Variants in DLG2 observed in about 807,000 individuals in gnomAD.
The protein encoded by DLG2 is disks large homolog 2.
DLG2 carries 45 observed loss-of-function variants against 132.5 expected under a neutral mutation model. The observed-to-expected ratio is 0.34, with a 90% CI of 0.27 to 0.44. The LOEUF is 0.44. Among genes scored for constraint, DLG2 ranks in the 20% least tolerant of loss-of-function variants. DLG2 has a pLI of 1.00. For missense variants in DLG2, 1,045 were observed against 1,196.9 expected (o/e 0.87, Z 1.87); for synonymous variants, 424 against 419.6 (o/e 1.01, Z -0.13).
At chr11:83,558,116 T>C (rs1341491803) in intron 19 of DLG2, among the ~76,000 whole-genome samples, 1 of 152,200 alleles carries the variant, frequency 6.6e-6, no homozygotes, top group Non-Finnish European at 1.5e-5. Context: ...ATATAGTTCA[T>C]AATTTCTCCA....
At chr11:84,670,888 A>T (rs919820615) in intron 6 of DLG2, among the ~76,000 whole-genome samples, 1 of 152,142 alleles carries the variant, frequency 6.6e-6, no homozygotes, top group Non-Finnish European at 1.5e-5. Context: ...AAGTATTCTT[A>T]TTAACATCAG....
chr11:85,149,689 G>T (rs980900834), intron 5 of DLG2, among the ~76,000 whole-genome samples: 2 of 152,134 alleles, frequency 1.3e-5, no homozygotes, highest in African/African-American at 4.8e-5. Context: ...CATTTCTGTA[G>T]TGTTTGTGTT....
At chr11:83,514,490 C>T (rs573402840) in intron 21 of DLG2, among the ~76,000 whole-genome samples, 1 of 152,322 alleles carries the variant, frequency 6.6e-6, no homozygotes, top group Non-Finnish European at 1.5e-5. Context: ...CACAATTTGA[C>T]TTCCTCTTTT....
chr11:85,098,550 A>G (rs1332612229), intron 6 of DLG2, among the ~76,000 whole-genome samples: 1 of 152,244 alleles, frequency 6.6e-6, no homozygotes, highest in Non-Finnish European at 1.5e-5. Flanking sequence ...AACAGAGTAC[A>G]ACTTTTTAAT....
intron 18 of DLG2, among the ~76,000 whole-genome samples, chr11:83,755,635 T>C (rs909649125): frequency 1.3e-5 from 2 of 151,314 alleles, no homozygotes; most frequent in Non-Finnish European, 2.9e-5. Context: ...GTTAATTTAC[T>C]GGCCAAGAAT....
chr11:85,080,872 G>A (rs949493345), intron 6 of DLG2, among the ~76,000 whole-genome samples: 1 of 152,072 alleles, frequency 6.6e-6, no homozygotes, highest in Non-Finnish European at 1.5e-5. Flanking sequence ...TATTTGACAA[G>A]CCTCCAGCAA....
In DLG2 at chr11:83,932,398, C is replaced by A. The variant is rs1305843258; in HGVS notation, c.1341-1915G>T. Among the ~76,000 whole-genome samples the A allele has an allele frequency of 3.4e-5, 5 of 148,096 alleles. No homozygotes were observed. The South Asian group carries it at 8.3e-4, about 25-fold the overall frequency. On this transcript the variant is annotated intron_variant, in intron 14 of 27. Transcript: ENST00000376104. ...TACAGGCGCCTGCCACCACGCCCGG[C>A]TAATTTTTTGTATTTTTAGTAGAGA...
At chr11:83,527,050 A>G (rs1285882372) in intron 21 of DLG2, among the ~76,000 whole-genome samples, 1 of 152,174 alleles carries the variant, frequency 6.6e-6, no homozygotes, top group Non-Finnish European at 1.5e-5. Context: ...AAATGAATGA[A>G]GTCATTCAGC....
In DLG2 at chr11:83,456,426, G is replaced by GAATC. The variant is rs1053337123; in HGVS notation, c.*3388_*3391dup. 1 of 152,680 alleles carries GAATC rather than the reference G, an allele frequency of 6.5e-6. No individual in the cohort carries two copies. The highest frequency in any genetic ancestry group is 1.5e-5 in the Non-Finnish European group (1 of 68,104). 9.5% of individuals were successfully genotyped at this position (152,680 alleles called of 1,614,324 possible). On this transcript the variant is annotated 3_prime_UTR_variant, in exon 28 of 28. Transcript: ENST00000376104. ...AGTCCAGTGCATGGACTTGCTGTCT[G>GAATC]AATCAGCCATGAGCCCTTTAGAGGA...
rs541633925 is a variant in DLG2 at position 84,195,046 on chromosome 11, C to T, written c.574-31535G>A. On this transcript the variant is annotated intron_variant, in intron 8 of 27. Transcript: ENST00000376104. Reference sequence around the variant, plus strand: ...GAGAGGGGCTCCCACAGTGCAGTGGCGGGCTGAAGGGCTCCTCAAGCGTGG... The same window carrying T: ...GAGAGGGGCTCCCACAGTGCAGTGGTGGGCTGAAGGGCTCCTCAAGCGTGG... 5.3e-5 allele frequency among the ~76,000 whole-genome samples: 8 copies of T among 152,292 alleles called. No individual in the cohort carries two copies. The South Asian group carries it at 6.2e-4, about 12-fold the overall frequency.
At chr11:85,046,851 A>C (rs2062394187) in intron 6 of DLG2, among the ~76,000 whole-genome samples, 1 of 151,804 alleles carries the variant, frequency 6.6e-6, no homozygotes, top group South Asian at 2.1e-4. Flanking sequence ...GTAATACCCA[A>C]ACTTGCACGT....
At chr11:83,729,415 C>T (rs1247263441) in intron 18 of DLG2, among the ~76,000 whole-genome samples, 4 of 152,170 alleles carry the variant, frequency 2.6e-5, no homozygotes, top group African/African-American at 9.7e-5. Context: ...CCGTGTGGGA[C>T]AGCCCGAGCC....
intron 18 of DLG2, among the ~76,000 whole-genome samples, chr11:83,742,754 T>C (rs1315308981): frequency 2.0e-5 from 3 of 152,200 alleles, no homozygotes; most frequent in African/African-American, 7.2e-5. Context: ...GTCCATATTG[T>C]CATTTTTACA....
At chr11:84,562,812 C>T (rs1344680261) in intron 6 of DLG2, among the ~76,000 whole-genome samples, 6 of 150,572 alleles carry the variant, frequency 4.0e-5, no homozygotes, top group African/African-American at 7.3e-5. Context: ...TGCAGTGGTA[C>T]GAACATGGCT....
chr11:84,541,376 A>C (rs182139893), intron 6 of DLG2, among the ~76,000 whole-genome samples: 1 of 151,904 alleles, frequency 6.6e-6, no homozygotes, highest in East Asian at 1.9e-4. Flanking sequence ...CCCCGTTCTG[A>C]AGCTTAACCC....
intron 19 of DLG2, 73 bp from the exon 20 acceptor site, chr11:83,541,931 T>C: frequency 6.9e-7 from 1 of 1,440,724 alleles, no homozygotes; most frequent in Non-Finnish European, 9.3e-7. Context: ...TGGTTTCAAA[T>C]GTTTGCTCTT....
At chr11:83,935,710 C>T (rs1263400125) in intron 14 of DLG2, among the ~76,000 whole-genome samples, 3 of 152,118 alleles carry the variant, frequency 2.0e-5, no homozygotes, top group African/African-American at 7.2e-5. Context: ...TTAGCTTTCT[C>T]ATTTATAGAC....
intron 7 of DLG2, among the ~76,000 whole-genome samples, chr11:84,360,700 A>G (rs2098644798): frequency 6.6e-6 from 1 of 151,900 alleles, no homozygotes; most frequent in Non-Finnish European, 1.5e-5. Context: ...GAAGGATAAG[A>G]AGGACTATCA....
chr11:83,945,291 A>T (rs1471687), intron 14 of DLG2, among the ~76,000 whole-genome samples: 150,761 of 152,316 alleles, frequency 0.99, 74,616 homozygotes, highest in East Asian at 1. Context: ...AATAAATACA[A>T]AAATAAGTGG....
Sources: allele counts gnomAD v4.1 joint callset (sites outside exome capture counted in the v4.1 genomes callset), GRCh38; gene constraint gnomAD v4.1.1; transcripts MANE v1.5; gene names NCBI Gene and HGNC (gene_info 2026-07-23, HGNC 2026-07-21).